UST: variants seen among roughly 807,000 people sequenced by gnomAD.
The protein encoded by UST is chondroitin sulfate 2-O-sulfotransferase.
In UST, 21 loss-of-function variants were observed where a neutral mutation model predicts 45.6. That is an observed-to-expected ratio of 0.46 (90% CI 0.33 to 0.66). The LOEUF is 0.66. Ranked by LOEUF, UST falls within the 30% of genes least tolerant of loss-of-function variation. The probability of loss-of-function intolerance (pLI) is 0.02; values close to 1 mark genes in which losing one functional copy is unlikely to be tolerated. For missense variants in UST, 463 were observed against 512.4 expected (o/e 0.90, Z 0.93); for synonymous variants, 215 against 200.6 (o/e 1.07, Z -0.61).
chr6:148,751,646 A>AG (rs905741452), intron 1 of UST, among the ~76,000 whole-genome samples: 25 of 152,196 alleles, frequency 1.6e-4, no homozygotes, highest in Admixed American at 1.6e-3. Flanking sequence ...GATTGGGTGG[A>AG]GGGGGAGCAC....
At chr6:148,842,932 T>C (rs796545429) in intron 1 of UST, among the ~76,000 whole-genome samples, 6 of 152,098 alleles carry the variant, frequency 3.9e-5, no homozygotes, top group African/African-American at 1.4e-4. Context: ...ACACCGGAAA[T>C]AGATATTAAA....
intron 1 of UST, among the ~76,000 whole-genome samples, chr6:148,815,338 A>G (rs1343750430): frequency 1.3e-5 from 2 of 152,348 alleles, no homozygotes; most frequent in East Asian, 3.9e-4. Flanking sequence ...TTCACTGTAC[A>G]GCCTTCTATG....
At chr6:148,766,324 T>C (rs758885707) in intron 1 of UST, among the ~76,000 whole-genome samples, 5 of 152,096 alleles carry the variant, frequency 3.3e-5, no homozygotes, top group Non-Finnish European at 2.9e-5. Flanking sequence ...GAGACACATG[T>C]TCTCCTATCA....
chr6:148,979,416 C>T (rs1256747712), intron 5 of UST, among the ~76,000 whole-genome samples: 1 of 152,170 alleles, frequency 6.6e-6, no homozygotes, highest in Non-Finnish European at 1.5e-5. Context: ...TGATTTGCCC[C>T]AAGCCTAGGT....
chr6:148,777,896 T>C (rs1293211553), intron 1 of UST, among the ~76,000 whole-genome samples: 1 of 152,196 alleles, frequency 6.6e-6, no homozygotes, highest in East Asian at 1.9e-4. Context: ...TCTGTTACAG[T>C]TGCCTGCAAT....
Position 148,747,596 on chromosome 6 carries a change from C to G in UST, c.166C>G (p.Leu56Val), listed in dbSNP as rs758936282. Residue 56 changes from leucine (L) to valine (V), a missense_variant, in exon 1 of 8, where the codon CTG becomes GTG. This residue lies in a region of UST where 176 missense variants were observed against 138.3 expected (regional missense o/e 1.27). Coordinates refer to ENST00000367463, the MANE Select transcript of UST (RefSeq NM_005715.3). ...CTACGGCTTCTGCATGGCCACCCTG[C>G]TGGTCTTCTGCCTGGGCTCCCTCCT... ...RDYGFCMATL[L>V]VFCLGSLLYQ... 2 of 1,598,172 alleles carry G rather than the reference C, an allele frequency of 1.3e-6. No homozygotes were observed. The highest frequency in any genetic ancestry group is 1.7e-6 in the Non-Finnish European group (2 of 1,173,796).
chr6:148,813,090 T>G (rs558895631), intron 1 of UST, among the ~76,000 whole-genome samples: 1 of 152,342 alleles, frequency 6.6e-6, no homozygotes, highest in East Asian at 1.9e-4. Flanking sequence ...ATTTACATTG[T>G]AAGATTTTCT....
intron 5 of UST, among the ~76,000 whole-genome samples, chr6:149,001,789 G>T (rs1657835393): frequency 6.6e-6 from 1 of 152,272 alleles, no homozygotes; most frequent in East Asian, 1.9e-4. Context: ...TTAGTAAAAT[G>T]AGTTGAATAT....
chr6:148,864,615 T>G (rs114829610), intron 1 of UST, among the ~76,000 whole-genome samples: 127 of 152,362 alleles, frequency 8.3e-4, no homozygotes, highest in African/African-American at 3.0e-3. Flanking sequence ...CCGTTCCTAT[T>G]CATCCATCTT....
At chr6:148,976,942 G>A (rs1781027806) in intron 5 of UST, among the ~76,000 whole-genome samples, 1 of 151,896 alleles carries the variant, frequency 6.6e-6, no homozygotes, top group South Asian at 2.1e-4. Flanking sequence ...TATTAACTCT[G>A]AAACTATAAA....
chr6:148,848,551 G>A (rs1655830634), intron 1 of UST, among the ~76,000 whole-genome samples: 1 of 151,654 alleles, frequency 6.6e-6, no homozygotes, highest in African/African-American at 2.4e-5. Context: ...CGTGCCTGTA[G>A]TCCCAGCTAC....
chr6:148,760,643 A>AC (rs975326518), intron 1 of UST, among the ~76,000 whole-genome samples: 1 of 151,946 alleles, frequency 6.6e-6, no homozygotes, highest in African/African-American at 2.4e-5. Flanking sequence ...GAAAGTAAAA[A>AC]CCACAAAGAA....
chr6:148,802,205 A>G (rs1777068516), intron 1 of UST, among the ~76,000 whole-genome samples: 1 of 152,156 alleles, frequency 6.6e-6, no homozygotes, highest in African/African-American at 2.4e-5. Flanking sequence ...CTGCATCCAA[A>G]TCCCTATCCC....
chr6:148,932,148 G>A (rs145703942), intron 2 of UST, among the ~76,000 whole-genome samples: 78 of 152,310 alleles, frequency 5.1e-4, no homozygotes, highest in African/African-American at 1.8e-3. Context: ...CAGAAGCCGA[G>A]GCAGGTGAAT....
At chr6:149,018,546 A>G (rs188628579) in intron 5 of UST, among the ~76,000 whole-genome samples, 17 of 152,228 alleles carry the variant, frequency 1.1e-4, no homozygotes, top group Admixed American at 1.1e-3. Flanking sequence ...ACCATGTCCA[A>G]CCTCATATAA....
chr6:148,847,107 G>C (rs908680380), intron 1 of UST, among the ~76,000 whole-genome samples: 1 of 152,248 alleles, frequency 6.6e-6, no homozygotes, highest in Non-Finnish European at 1.5e-5. Flanking sequence ...TATCTTTTAG[G>C]ATGATGTTTT....
At chr6:148,995,063 C>T (rs1021228685) in intron 5 of UST, among the ~76,000 whole-genome samples, 15 of 152,064 alleles carry the variant, frequency 9.9e-5, no homozygotes, top group African/African-American at 2.9e-4. Context: ...CTCACTCTGT[C>T]GCACAAGCTG....
chr6:148,804,509 T>G (rs897918913), intron 1 of UST, among the ~76,000 whole-genome samples: 8 of 152,160 alleles, frequency 5.3e-5, no homozygotes, highest in African/African-American at 1.9e-4. Context: ...AAGGCTTAAT[T>G]AATAAGTGTC....
At chr6:148,783,816 T>G (rs931195759) in intron 1 of UST, among the ~76,000 whole-genome samples, 2 of 152,180 alleles carry the variant, frequency 1.3e-5, no homozygotes. Context: ...AAGGTTCCCC[T>G]GTGCAGTGGG....
Sources: allele counts gnomAD v4.1 joint callset (sites outside exome capture counted in the v4.1 genomes callset), GRCh38; gene constraint gnomAD v4.1.1; regional missense constraint gnomAD v4.1.1; transcripts MANE v1.5; gene names NCBI Gene and HGNC (gene_info 2026-07-23, HGNC 2026-07-21).